SLC44A5: variants seen among roughly 807,000 people sequenced by gnomAD.
SLC44A5 encodes choline transporter-like protein 5.
A neutral mutation model predicts 101.8 loss-of-function variants in SLC44A5; 57 were observed. The ratio of observed to expected loss-of-function variants is 0.56; its 90% CI spans 0.45 to 0.70. The LOEUF is 0.70. Ranked by LOEUF, SLC44A5 falls within the 30% of genes least tolerant of loss-of-function variation. The pLI is 0.00. For synonymous variants in SLC44A5, 281 were observed against 290.9 expected (o/e 0.97, Z 0.35); for missense variants, 737 against 853.1 (o/e 0.86, Z 1.70).
chr1:75,616,775 C>T, the SLC44A5 span, among the ~76,000 whole-genome samples: 1 of 152,208 alleles, frequency 6.6e-6, no homozygotes, highest in Non-Finnish European at 1.5e-5. Flanking sequence ...GCAAGAATGG[C>T]TGTGTTCTGG....
the SLC44A5 span, among the ~76,000 whole-genome samples, chr1:75,723,056 T>C: frequency 6.6e-6 from 1 of 152,140 alleles, no homozygotes; most frequent in Non-Finnish European, 1.5e-5. Flanking sequence ...CCTCCTTCCT[T>C]TGTTCTCCTC....
At chr1:75,713,624 C>T in the SLC44A5 span, among the ~76,000 whole-genome samples, 1 of 152,324 alleles carries the variant, frequency 6.6e-6, no homozygotes, top group Non-Finnish European at 1.5e-5. Context: ...ATGATGACTT[C>T]TGACTCACCC....
intron 2 of SLC44A5, among the ~76,000 whole-genome samples, chr1:75,465,066 C>A (rs984880874): frequency 6.6e-6 from 1 of 152,112 alleles, no homozygotes; most frequent in Non-Finnish European, 1.5e-5. Flanking sequence ...AACATTTTAT[C>A]CAAGAGCTAC....
chr1:75,290,854 A>AC (rs1360945980), intron 5 of SLC44A5, among the ~76,000 whole-genome samples: 8 of 152,218 alleles, frequency 5.3e-5, no homozygotes, highest in Admixed American at 3.3e-4. Context: ...TCATTTAAAA[A>AC]ATATATAAGG....
At chr1:75,506,907 C>CTTTTTTTTTTTTTTT (rs61554987) in intron 2 of SLC44A5, among the ~76,000 whole-genome samples, 1 of 68,748 alleles carries the variant, frequency 1.5e-5, no homozygotes, top group African/African-American at 6.0e-5. Context: ...TATTCCTATT[C>CTTTTTTTTTTTTTTT]TTTTTTTTTT....
intron 2 of SLC44A5, among the ~76,000 whole-genome samples, chr1:75,486,026 G>T (rs185117451): frequency 6.6e-6 from 1 of 152,210 alleles, no homozygotes; most frequent in Non-Finnish European, 1.5e-5. Context: ...CTGAGATTTG[G>T]GTGGGAATGC....
intron 12 of SLC44A5, among the ~76,000 whole-genome samples, chr1:75,232,045 A>G (rs1025005037): frequency 6.6e-6 from 1 of 152,192 alleles, no homozygotes; most frequent in African/African-American, 2.4e-5. Flanking sequence ...GGATAGTAGC[A>G]GAGGTCAGTT....
the SLC44A5 span, among the ~76,000 whole-genome samples, chr1:75,677,400 AGTT>A: frequency 2.0e-5 from 3 of 152,186 alleles, no homozygotes; most frequent in Non-Finnish European, 4.4e-5. Flanking sequence ...ATCAGTGATA[AGTT>A]GTTATCAGTT....
intron 20 of SLC44A5, 74 bp from the exon 21 acceptor site, chr1:75,214,063 A>G (rs1646913977): frequency 2.1e-5 from 20 of 943,258 alleles, no homozygotes; most frequent in Non-Finnish European, 2.8e-5. Flanking sequence ...ATGGCAGTAA[A>G]TTTTCATGAG....
chr1:75,412,529 T>C (rs944136510), intron 2 of SLC44A5, among the ~76,000 whole-genome samples: 1 of 152,142 alleles, frequency 6.6e-6, no homozygotes, highest in Non-Finnish European at 1.5e-5. Context: ...ATAACTACAA[T>C]AGAGGTCTCC....
the SLC44A5 span, among the ~76,000 whole-genome samples, chr1:75,643,043 T>C: frequency 1.3e-5 from 2 of 152,180 alleles, no homozygotes; most frequent in Admixed American, 1.3e-4. Flanking sequence ...GAAACTTAAT[T>C]AATTCTGATT....
Position 75,469,184 on chromosome 1 carries a change from T to C in SLC44A5, c.13+72251A>G, listed in dbSNP as rs192490493. On this transcript the variant is annotated intron_variant, in intron 2 of 23. Coordinates refer to ENST00000370859, the MANE Select transcript of SLC44A5 (RefSeq NM_001130058.2). Reference sequence around the variant, plus strand: ...AAAAATGAGATATTTTGAATCCTTTTTGTTTTAACCAAGTCTTTGAAGGCT... The same window carrying C: ...AAAAATGAGATATTTTGAATCCTTTCTGTTTTAACCAAGTCTTTGAAGGCT... Among the ~76,000 whole-genome samples, 55 of 152,328 alleles carry C rather than the reference T, an allele frequency of 3.6e-4. No individual in the cohort carries two copies. The East Asian group carries it at 9.3e-3, about 26-fold the overall frequency.
intron 17 of SLC44A5, 23 bp from the exon 18 acceptor site, chr1:75,217,983 T>C (rs777600012): frequency 1.4e-6 from 2 of 1,464,236 alleles, no homozygotes; most frequent in African/African-American, 2.8e-5. Context: ...AAAATGAGAA[T>C]AAGTTAAAAC....
At chr1:75,302,126 T>TG (rs1654530927) in intron 4 of SLC44A5, among the ~76,000 whole-genome samples, 2 of 140,886 alleles carry the variant, frequency 1.4e-5, no homozygotes, top group Admixed American at 7.3e-5. Flanking sequence ...TTTTTTTTTT[T>TG]TTTTTTTTTT....
At chr1:75,342,373 T>C (rs751253872) in intron 3 of SLC44A5, among the ~76,000 whole-genome samples, 5 of 152,236 alleles carry the variant, frequency 3.3e-5, no homozygotes, top group Non-Finnish European at 2.9e-5. Flanking sequence ...GTATTTATTA[T>C]GTCATTTAAT....
At chr1:75,432,705 T>C (rs1235514496) in intron 2 of SLC44A5, among the ~76,000 whole-genome samples, 1 of 152,100 alleles carries the variant, frequency 6.6e-6, no homozygotes, top group Admixed American at 6.5e-5. Flanking sequence ...GGAGTCTTAG[T>C]ACTGTAGCTC....
At chr1:75,439,872 C>T (rs1665098494) in intron 2 of SLC44A5, among the ~76,000 whole-genome samples, 1 of 151,896 alleles carries the variant, frequency 6.6e-6, no homozygotes, top group Non-Finnish European at 1.5e-5. Flanking sequence ...AAAAAATATC[C>T]ATTCTAAGAC....
chr1:75,376,650 A>C (rs1348927815), intron 3 of SLC44A5, among the ~76,000 whole-genome samples: 2 of 151,164 alleles, frequency 1.3e-5, no homozygotes, highest in Non-Finnish European at 3.0e-5. Flanking sequence ...TAACAAACAG[A>C]AAGGACATCC....
chr1:75,624,132 T>C, the SLC44A5 span, among the ~76,000 whole-genome samples: 1 of 152,264 alleles, frequency 6.6e-6, no homozygotes, highest in Middle Eastern at 3.4e-3. Context: ...GAAGTGGTTG[T>C]CTACTGATCA....
Sources: gnomAD v4.1 joint callset for allele counts (sites outside exome capture counted in the v4.1 genomes callset) on GRCh38, gnomAD v4.1.1 for gene constraint, MANE v1.5 for transcripts, NCBI Gene and HGNC (gene_info 2026-07-23, HGNC 2026-07-21) for gene names.